Variants in DMD observed in about 807,000 individuals in gnomAD.
The protein encoded by DMD is dystrophin, also known as mutant dystrophin.
Under a neutral mutation model 330.1 loss-of-function variants are expected in DMD, and 63 were observed. That is an observed-to-expected ratio of 0.19 (90% CI 0.16 to 0.24). DMD has a LOEUF of 0.24. DMD is among the 10% of genes least tolerant of loss of function. DMD has a pLI of 1.00. For synonymous variants in DMD, 1,223 were observed against 959.8 expected (o/e 1.27, Z -5.07); for missense variants, 3,344 against 2,684.1 (o/e 1.25, Z -5.43).
At chrX:31,413,715 T>A (rs928047208) in intron 60 of DMD, among the ~76,000 whole-genome samples, 1 of 111,858 alleles carries the variant, frequency 8.9e-6, no homozygotes, top group Non-Finnish European at 1.9e-5. Flanking sequence ...TATTGAAACA[T>A]CACCAAATTT....
At position 31,584,174 on chromosome X, in the gene DMD, T is replaced by C. The variant is rs2076477053; in HGVS notation, c.8217+43499A>G. ...AGTCTATCATTGTTGGACATTTGGG[T>C]TGGTTCCAAGTCTTTGCTATTGCCC... On this transcript the variant is annotated intron_variant, in intron 55 of 78. Transcript: ENST00000357033. Among the ~76,000 whole-genome samples, 6 of 108,991 alleles carry C rather than the reference T, an allele frequency of 5.5e-5. No homozygotes were observed. The Admixed American group carries it at 5.9e-4, about 11-fold the overall frequency. The allele number at this position is 108,991 out of a possible 115,157, so 94.6% of individuals were successfully genotyped here.
At chrX:31,724,466 T>C (rs376654915) in intron 52 of DMD, among the ~76,000 whole-genome samples, 73 of 111,997 alleles carry the variant, frequency 6.5e-4, no homozygotes, top group African/African-American at 2.2e-3. Flanking sequence ...CAGTTCTTTA[T>C]GCAATATAAT....
At chrX:31,622,476 C>G (rs2078589208) in intron 55 of DMD, among the ~76,000 whole-genome samples, 1 of 111,289 alleles carries the variant, frequency 9.0e-6, no homozygotes, top group Admixed American at 9.6e-5. Context: ...ATTATACAAC[C>G]CAGTACTTTT....
chrX:31,793,674 G>A (rs1304141426), intron 50 of DMD, among the ~76,000 whole-genome samples: 3 of 111,814 alleles, frequency 2.7e-5, no homozygotes, highest in Non-Finnish European at 5.6e-5. Context: ...ATTGAATACT[G>A]TATTGAACAT....
intron 7 of DMD, among the ~76,000 whole-genome samples, chrX:32,729,457 G>A (rs892181915): frequency 8.9e-6 from 1 of 111,784 alleles, no homozygotes; most frequent in African/African-American, 3.3e-5. Context: ...ATTTTTCTAT[G>A]TATGTATCTT....
chrX:32,655,298 C>G (rs906216621), intron 9 of DMD, among the ~76,000 whole-genome samples: 1 of 112,348 alleles, frequency 8.9e-6, no homozygotes, highest in African/African-American at 3.2e-5. Flanking sequence ...TCCCTCTACA[C>G]ACTGCTTTAA....
At chrX:32,944,146 A>T (rs2090625418) in intron 2 of DMD, among the ~76,000 whole-genome samples, 1 of 112,238 alleles carries the variant, frequency 8.9e-6, no homozygotes, top group African/African-American at 3.2e-5. Context: ...TTCACTTAAA[A>T]TAATGACCTC....
chrX:32,673,316 G>C (rs2061749644), intron 9 of DMD, among the ~76,000 whole-genome samples: 1 of 111,160 alleles, frequency 9.0e-6, no homozygotes, highest in Non-Finnish European at 1.9e-5. Context: ...TAAGTCATGT[G>C]CCTTACGAGT....
At chrX:31,511,574 T>C (rs1482228601) in intron 55 of DMD, among the ~76,000 whole-genome samples, 3 of 101,937 alleles carry the variant, frequency 2.9e-5, no homozygotes, top group African/African-American at 1.1e-4. Flanking sequence ...TGAGTGAGAA[T>C]ATGCGGTGTT....
At chrX:32,623,126 A>G (rs1324082646) in intron 11 of DMD, among the ~76,000 whole-genome samples, 2 of 111,578 alleles carry the variant, frequency 1.8e-5, no homozygotes, top group Non-Finnish European at 3.8e-5. Context: ...TACAGTACTG[A>G]TATGTGAAAA....
In DMD at chrX:32,400,583, C is replaced by T. The variant is rs141222705; in HGVS notation, c.4234-10402G>A. Among the ~76,000 whole-genome samples the T allele has an allele frequency of 8.7e-3, 958 of 110,610 alleles. 7 individuals carry two copies. Among genetic ancestry groups the T allele is most frequent in the Non-Finnish European group, 0.015 (779 of 52,802 alleles). Reference sequence around the variant, plus strand: ...CAGCCAAAAAACACATGAAAAAATGCTCATCATCACTGGCCATCAGAGAAA... The same window carrying T: ...CAGCCAAAAAACACATGAAAAAATGTTCATCATCACTGGCCATCAGAGAAA... On this transcript the variant is annotated intron_variant, in intron 30 of 78. Coordinates refer to ENST00000357033, the MANE Select transcript of DMD (RefSeq NM_004006.3).
At chrX:31,251,096 A>T (rs1437571461) in intron 63 of DMD, among the ~76,000 whole-genome samples, 1 of 109,025 alleles carries the variant, frequency 9.2e-6, no homozygotes, top group South Asian at 4.0e-4. Flanking sequence ...AACAAAAAAA[A>T]AAACCCACCA....
chrX:31,541,319 G>A (rs190302960), intron 55 of DMD, among the ~76,000 whole-genome samples: 6 of 111,234 alleles, frequency 5.4e-5, no homozygotes, highest in Non-Finnish European at 7.6e-5. Context: ...TTTATGAAAT[G>A]TAAATAGAGA....
At chrX:32,753,981 TTCTCA>T (rs756913377) in intron 7 of DMD, among the ~76,000 whole-genome samples, 256 of 110,697 alleles carry the variant, frequency 2.3e-3, no homozygotes, top group South Asian at 0.015. Flanking sequence ...TCATGAAAAA[TTCTCA>T]TCTTCATTTT....
At chrX:31,483,133 A>G (rs182477870) in intron 57 of DMD, among the ~76,000 whole-genome samples, 7,953 of 93,276 alleles carry the variant, frequency 0.085, 302 homozygotes, top group Middle Eastern at 0.15. Flanking sequence ...TGCAAGCTCC[A>G]CCTCCCAGGT....
At chrX:32,961,960 T>A (rs1184917945) in intron 2 of DMD, among the ~76,000 whole-genome samples, 2 of 111,919 alleles carry the variant, frequency 1.8e-5, no homozygotes, top group African/African-American at 6.5e-5. Flanking sequence ...AGACCGAAAC[T>A]TCAGTTTCCT....
intron 55 of DMD, among the ~76,000 whole-genome samples, chrX:31,624,004 T>C (rs1302238309): frequency 1.8e-5 from 2 of 111,580 alleles, no homozygotes; most frequent in African/African-American, 6.5e-5. Flanking sequence ...TTCAGTTAGT[T>C]ACCCAGGGTT....
At chrX:31,341,889 GCGCA>G (rs1271300924) in intron 61 of DMD, among the ~76,000 whole-genome samples, 4 of 65,066 alleles carry the variant, frequency 6.1e-5, no homozygotes, top group African/African-American at 2.5e-4. Context: ...GCGTGCGCGC[GCGCA>G]CACACACACA....
chrX:32,311,627 T>C (rs922103868), intron 41 of DMD, among the ~76,000 whole-genome samples: 1 of 111,708 alleles, frequency 9.0e-6, no homozygotes, highest in Non-Finnish European at 1.9e-5. Flanking sequence ...CACACATTCC[T>C]TCATGTTCAA....
Sources: allele counts gnomAD v4.1 joint callset (sites outside exome capture counted in the v4.1 genomes callset), GRCh38; gene constraint gnomAD v4.1.1; transcripts MANE v1.5; gene names NCBI Gene and HGNC (gene_info 2026-07-23, HGNC 2026-07-21).